VPS13B: variants seen among roughly 807,000 people sequenced by gnomAD.
VPS13B encodes intermembrane lipid transfer protein VPS13B.
A neutral mutation model predicts 426.4 loss-of-function variants in VPS13B; 285 were observed. The ratio of observed to expected loss-of-function variants is 0.67; its 90% confidence interval spans 0.61 to 0.74. VPS13B has a LOEUF of 0.74. Among genes scored for constraint, VPS13B ranks in the 30% least tolerant of loss-of-function variants. The pLI is 0.00. For synonymous variants in VPS13B, 1,676 were observed against 1,676.4 expected (o/e 1.00, Z 0.01); for missense variants, 4,537 against 4,782.6 (o/e 0.95, Z 1.51).
intron 39 of VPS13B, among the ~76,000 whole-genome samples, chr8:99,743,645 A>G (rs955184224): frequency 3.3e-5 from 5 of 152,226 alleles, no homozygotes; most frequent in African/African-American, 7.2e-5. Context: ...ATGGAACAGA[A>G]CAGAACCCTC....
intron 17 of VPS13B, among the ~76,000 whole-genome samples, chr8:99,253,768 A>AT (rs1251633878): frequency 3.3e-5 from 5 of 151,682 alleles, no homozygotes; most frequent in Admixed American, 1.3e-4. Flanking sequence ...CTGCCATTTT[A>AT]TTTTTTGCTG....
Position 99,494,268 on chromosome 8 carries a change from C to G in VPS13B, c.3871-7419C>G, listed in dbSNP as rs142790407. Among the ~76,000 whole-genome samples the G allele has an allele frequency of 9.1e-4, 139 of 152,120 alleles. 2 individuals are homozygous for G. The highest frequency in any genetic ancestry group is 3.3e-3 in the African/African-American group (137 of 41,530). ...AGTCTCCAGTATTTTTTCATCTTCC[C>G]CAACTGAAATTCTGTATCCGTTAAA... is the stretch of plus-strand genomic sequence containing the variant. On this transcript the variant is annotated intron_variant, in intron 25 of 61. Transcript: ENST00000357162.
chr8:99,792,277 G>GA (rs929411043), intron 43 of VPS13B, among the ~76,000 whole-genome samples: 50 of 150,482 alleles, frequency 3.3e-4, no homozygotes, highest in South Asian at 4.2e-4. Context: ...ATAAGAGTCA[G>GA]AAAAAAAAAT....
chr8:99,556,361 G>C, intron 30 of VPS13B, 89 bp from the exon 31 acceptor site: 1 of 1,387,082 alleles, frequency 7.2e-7, no homozygotes. Context: ...AAATGGTATT[G>C]ACACTATGTT....
At chr8:99,075,128 T>G (rs1161257428) in intron 3 of VPS13B, among the ~76,000 whole-genome samples, 1 of 151,986 alleles carries the variant, frequency 6.6e-6, no homozygotes, top group Admixed American at 6.6e-5. Context: ...TTAGGGAGAG[T>G]TTTTACTACT....
At chr8:99,352,779 G>A (rs907077757) in intron 19 of VPS13B, among the ~76,000 whole-genome samples, 3 of 151,370 alleles carry the variant, frequency 2.0e-5, no homozygotes, top group South Asian at 2.1e-4. Context: ...AGCCAGGATC[G>A]TGCCATTGCA....
intron 39 of VPS13B, among the ~76,000 whole-genome samples, chr8:99,742,629 G>A (rs1012960945): frequency 2.6e-5 from 4 of 152,092 alleles, no homozygotes; most frequent in African/African-American, 9.7e-5. Flanking sequence ...TATCCACCAT[G>A]ATCAAGTGGG....
intron 31 of VPS13B, among the ~76,000 whole-genome samples, chr8:99,563,871 G>T (rs990379474): frequency 6.6e-6 from 1 of 152,192 alleles, no homozygotes; most frequent in Non-Finnish European, 1.5e-5. Context: ...TAGATCTGTT[G>T]TAGCTTAGTT....
intron 31 of VPS13B, among the ~76,000 whole-genome samples, chr8:99,567,965 C>T (rs972200182): frequency 1.3e-5 from 2 of 152,032 alleles, no homozygotes; most frequent in Non-Finnish European, 2.9e-5. Flanking sequence ...GATTGGAGCT[C>T]AGGGAAGGCC....
intron 7 of VPS13B, 76 bp downstream of exon 7, chr8:99,115,950 A>G (rs1477221265): frequency 6.8e-7 from 1 of 1,461,430 alleles, no homozygotes; most frequent in Non-Finnish European, 9.5e-7. Flanking sequence ...AACTTTAAAA[A>G]ATGTATTAGC....
At chr8:99,456,492 T>C (rs1818470836) in intron 23 of VPS13B, among the ~76,000 whole-genome samples, 1 of 152,122 alleles carries the variant, frequency 6.6e-6, no homozygotes, top group Non-Finnish European at 1.5e-5. Flanking sequence ...TTTTAAAAAA[T>C]CATGAATTGC....
chr8:99,352,364 T>C (rs1170312553), intron 19 of VPS13B, among the ~76,000 whole-genome samples: 1 of 152,216 alleles, frequency 6.6e-6, no homozygotes, highest in Non-Finnish European at 1.5e-5. Flanking sequence ...CATCACTTTG[T>C]TCCTAGTCTG....
At position 99,542,091 on chromosome 8, in the gene VPS13B, G is replaced by A. The variant is rs141681173; in HGVS notation, c.4746-14359G>A. On this transcript the variant is annotated intron_variant, in intron 30 of 61. Coordinates refer to ENST00000357162, the MANE Select transcript of VPS13B (RefSeq NM_152564.5). The stretch of plus-strand genomic sequence containing the variant: ...TTTTTAGTAGATATGGGGTTTCACC[G>A]TGTTAGCCAGGATGGTCTCCGTCTC... 8.9e-4 allele frequency among the ~76,000 whole-genome samples: 136 copies of A among 152,206 alleles called. No homozygotes were observed. In the Middle Eastern group the frequency reaches 0.01, roughly 11 times the overall value.
At chr8:99,776,191 T>C (rs1324675962) in intron 40 of VPS13B, among the ~76,000 whole-genome samples, 1 of 152,198 alleles carries the variant, frequency 6.6e-6, no homozygotes, top group Non-Finnish European at 1.5e-5. Flanking sequence ...CTGAACTGCA[T>C]TGATCTTAAA....
chr8:99,859,034 G>A (rs1461502224), intron 56 of VPS13B, among the ~76,000 whole-genome samples: 1 of 152,166 alleles, frequency 6.6e-6, no homozygotes, highest in African/African-American at 2.4e-5. Context: ...ACCCCCGTTA[G>A]CAGGAATATG....
intron 25 of VPS13B, among the ~76,000 whole-genome samples, chr8:99,489,296 A>G (rs916960804): frequency 1.8e-4 from 27 of 149,968 alleles, no homozygotes; most frequent in Admixed American, 8.6e-4. Flanking sequence ...GCCTTGTAGT[A>G]TAGTTTGAAG....
At chr8:99,311,011 G>GT (rs1328495900) in intron 19 of VPS13B, among the ~76,000 whole-genome samples, 1 of 152,106 alleles carries the variant, frequency 6.6e-6, no homozygotes, top group African/African-American at 2.4e-5. Flanking sequence ...GGGATCGGTG[G>GT]TGATATCCCC....
chr8:99,547,823 A>G (rs1824071562), intron 30 of VPS13B, among the ~76,000 whole-genome samples: 2 of 152,042 alleles, frequency 1.3e-5, no homozygotes, highest in South Asian at 4.1e-4. Flanking sequence ...TTTTTGTGCT[A>G]AGGATAAGGA....
At chr8:99,348,498 T>C (rs939087197) in intron 19 of VPS13B, among the ~76,000 whole-genome samples, 1 of 152,238 alleles carries the variant, frequency 6.6e-6, no homozygotes, top group Non-Finnish European at 1.5e-5. Flanking sequence ...TTGTTTTACC[T>C]CTGCAGTGCT....
Sources: gnomAD v4.1 joint callset for allele counts (sites outside exome capture counted in the v4.1 genomes callset) on GRCh38, gnomAD v4.1.1 for gene constraint, MANE v1.5 for transcripts, NCBI Gene and HGNC (gene_info 2026-07-23, HGNC 2026-07-21) for gene names.